ADAMTSL1: variants seen among roughly 807,000 people sequenced by gnomAD.
ADAMTSL1 encodes the protein ADAMTS-like protein 1.
In ADAMTSL1, 126 loss-of-function variants were observed where a neutral mutation model predicts 201.8. The ratio of observed to expected loss-of-function variants is 0.62; its 90% CI spans 0.54 to 0.72. The LOEUF (loss-of-function observed/expected upper bound fraction) is 0.72, where lower values mean the gene tolerates loss of function less well. Among genes scored for constraint, ADAMTSL1 ranks in the 30% least tolerant of loss-of-function variants. ADAMTSL1 has a pLI of 0.00. For missense variants in ADAMTSL1, 2,679 were observed against 2,277.8 expected, an observed-to-expected ratio of 1.18 and a Z score of -3.59; for synonymous variants, 1,121 against 903.4, an observed-to-expected ratio of 1.24 and a Z score of -4.32.
intron 2 of ADAMTSL1, among the ~76,000 whole-genome samples, chr9:18,435,247 A>G (rs946975370): frequency 6.6e-6 from 1 of 152,238 alleles, no homozygotes; most frequent in Non-Finnish European, 1.5e-5. Context: ...ATGAAAATAC[A>G]TGGCCTCTGT....
intron 1 of ADAMTSL1, among the ~76,000 whole-genome samples, chr9:18,045,269 A>G (rs1761885669): frequency 6.6e-6 from 1 of 152,148 alleles, no homozygotes; most frequent in South Asian, 2.1e-4. Flanking sequence ...GAATCACAAG[A>G]TTTCTTCTCT....
intron 2 of ADAMTSL1, among the ~76,000 whole-genome samples, chr9:18,448,350 T>C (rs950328757): frequency 3.3e-5 from 5 of 152,184 alleles, no homozygotes; most frequent in Admixed American, 6.5e-5. Context: ...AAATTATTGC[T>C]ATTGTAACCA....
In ADAMTSL1 at chr9:18,515,035, T is replaced by G. The variant is rs183132603; in HGVS notation, c.191+10079T>G. On this transcript the variant is annotated intron_variant, in intron 2 of 28. Coordinates refer to ENST00000380548, the MANE Select transcript of ADAMTSL1 (RefSeq NM_001040272.6). ...GCATCTTTCAAAGATGATCATGTGG[T>G]TTTTATTCCTCCTTCTGTTATGGAA... 3.0e-3 allele frequency among the ~76,000 whole-genome samples: 456 copies of G among 152,300 alleles called. 8 individuals are homozygous for G. Among genetic ancestry groups the G allele is most frequent in the Admixed American group, 0.027 (417 of 15,310 alleles).
At chr9:18,621,556 C>CCACACA (rs57351480) in intron 4 of ADAMTSL1, among the ~76,000 whole-genome samples, 12,493 of 143,462 alleles carry the variant, frequency 0.087, 569 homozygotes, top group Middle Eastern at 0.12. Context: ...CCGTCCTCTT[C>CCACACA]CACACACACA....
chr9:18,040,188 C>A (rs1821373442), intron 1 of ADAMTSL1, among the ~76,000 whole-genome samples: 1 of 152,190 alleles, frequency 6.6e-6, no homozygotes, highest in Admixed American at 6.5e-5. Context: ...AAGCAACACC[C>A]TTCCCTTAAA....
intron 2 of ADAMTSL1, among the ~76,000 whole-genome samples, chr9:18,351,248 A>C (rs556201120): frequency 6.8e-6 from 1 of 146,462 alleles, no homozygotes; most frequent in East Asian, 2.0e-4. Context: ...TTTAAGATGA[A>C]AGACCAAAAA....
rs1204131723 is a variant in ADAMTSL1 at position 18,099,339 on chromosome 9, ATATATATATATATATATTTTTTT to A, written c.88-64521_88-64499del. Among the ~76,000 whole-genome samples, 48 of 44,302 alleles carry A rather than the reference ATATATATATATATATATTTTTTT, an allele frequency of 1.1e-3. 1 individual carries two copies. The highest frequency in any genetic ancestry group is 1.7e-3 in the Admixed American group (8 of 4,738). 29.1% of individuals were successfully genotyped at this position (44,302 alleles called of 152,430 possible). A position where few individuals can be genotyped will look rare whatever the true frequency, so the allele number is the denominator to read the frequency against. ...CTGCAAATGGAAAATATATATATAT[ATATATATATATATATATTTTTTT>A]TTTTTTTTTTAACATCCATTAATTT... On this transcript the variant is annotated intron_variant, in intron 1 of 29. Coordinates refer to the ADAMTSL1 transcript ENST00000680146.
chr9:18,891,790 G>C (rs1829291304), intron 25 of ADAMTSL1, among the ~76,000 whole-genome samples: 2 of 152,232 alleles, frequency 1.3e-5, no homozygotes, highest in South Asian at 4.1e-4. Context: ...GTCAGGAGGT[G>C]ACACGAATTT....
intron 1 of ADAMTSL1, among the ~76,000 whole-genome samples, chr9:18,481,108 C>T (rs1301883225): frequency 6.6e-6 from 1 of 152,208 alleles, no homozygotes; most frequent in Non-Finnish European, 1.5e-5. Flanking sequence ...GAACAATTCA[C>T]AGAGAGGGAA....
In ADAMTSL1 at chr9:17,964,234, A is replaced by T. The variant is rs867353823; in HGVS notation, c.87+57312A>T. The stretch of plus-strand genomic sequence containing the variant: ...CATGTGCTCTGTGTGGCGTTAGTAA[A>T]AAGTGACTGCTGCCTTGCTCATAAG... On this transcript the variant is annotated intron_variant, in intron 1 of 29. Transcript: ENST00000680146. Among the ~76,000 whole-genome samples, 176 of 152,272 alleles carry T rather than the reference A, an allele frequency of 1.2e-3. 1 individual carries two copies. Among genetic ancestry groups the T allele is most frequent in the Middle Eastern group, 0.01 (3 of 294 alleles).
At chr9:18,366,221 A>G (rs1426136889) in intron 2 of ADAMTSL1, among the ~76,000 whole-genome samples, 1 of 151,504 alleles carries the variant, frequency 6.6e-6, no homozygotes, top group East Asian at 1.9e-4. Context: ...ATAAACCCAT[A>G]TGAATTTATA....
chr9:18,592,375 C>T (rs897311302), intron 4 of ADAMTSL1, among the ~76,000 whole-genome samples: 3 of 152,226 alleles, frequency 2.0e-5, no homozygotes, highest in Non-Finnish European at 2.9e-5. Context: ...TTTTTCTGAT[C>T]AGCTCATGAG....
At chr9:18,315,641 C>T (rs1358499434) in intron 2 of ADAMTSL1, among the ~76,000 whole-genome samples, 2 of 152,210 alleles carry the variant, frequency 1.3e-5, no homozygotes, top group East Asian at 3.9e-4. Context: ...CCCACCGATC[C>T]CGCGCCCACC....
At chr9:18,405,288 C>T (rs891258606) in intron 2 of ADAMTSL1, among the ~76,000 whole-genome samples, 1 of 152,192 alleles carries the variant, frequency 6.6e-6, no homozygotes, top group Non-Finnish European at 1.5e-5. Context: ...ACGCCTCACC[C>T]TCAGCACAGC....
chr9:17,995,874 T>C (rs557622456), intron 1 of ADAMTSL1, among the ~76,000 whole-genome samples: 148 of 151,958 alleles, frequency 9.7e-4, no homozygotes, highest in South Asian at 1.9e-3. Context: ...TCCTGGACTT[T>C]GAGCACTGAC....
chr9:18,860,986 A>T (rs1341066902), intron 23 of ADAMTSL1, among the ~76,000 whole-genome samples: 1 of 152,228 alleles, frequency 6.6e-6, no homozygotes, highest in Non-Finnish European at 1.5e-5. Context: ...TCTCACTTCC[A>T]TTCGTTATGC....
chr9:18,776,056 A>T (rs1233704888), intron 18 of ADAMTSL1, among the ~76,000 whole-genome samples, 160 bp downstream of exon 18: 1 of 152,196 alleles, frequency 6.6e-6, no homozygotes, highest in Non-Finnish European at 1.5e-5. Context: ...CTGGAGACGG[A>T]AAAGGAATCT....
At chr9:18,247,337 A>G (rs192145044) in intron 2 of ADAMTSL1, among the ~76,000 whole-genome samples, 1 of 152,304 alleles carries the variant, frequency 6.6e-6, no homozygotes, top group East Asian at 1.9e-4. Flanking sequence ...AATAACTTAT[A>G]TTTTGAAGAA....
At chr9:18,245,206 T>C (rs1023838913) in intron 2 of ADAMTSL1, among the ~76,000 whole-genome samples, 2 of 152,148 alleles carry the variant, frequency 1.3e-5, no homozygotes, top group Admixed American at 6.6e-5. Flanking sequence ...AATGGAAATA[T>C]AATGCAAGCC....
Sources: gnomAD v4.1 joint callset for allele counts (sites outside exome capture counted in the v4.1 genomes callset) on GRCh38, gnomAD v4.1.1 for gene constraint, MANE v1.5 for transcripts, NCBI Gene and HGNC (gene_info 2026-07-23, HGNC 2026-07-21) for gene names.